Variants in ERC2 observed in about 807,000 individuals in gnomAD.
ERC2 encodes the protein ELKS/RAB6-interacting/CAST family member 2.
ERC2 carries 42 observed loss-of-function variants against 114.8 expected under a neutral mutation model. The ratio of observed to expected loss-of-function variants is 0.37; its 90% CI spans 0.29 to 0.47. The LOEUF (loss-of-function observed/expected upper bound fraction) is 0.47, where lower values mean the gene tolerates loss of function less well. Among genes scored for constraint, ERC2 ranks in the 20% least tolerant of loss-of-function variants. The pLI is 0.99. For synonymous variants in ERC2, 454 were observed against 425.5 expected (o/e 1.07, Z -0.82); for missense variants, 939 against 1,150.7 (o/e 0.82, Z 2.66).
intron 7 of ERC2, among the ~76,000 whole-genome samples, chr3:56,049,777 G>A (rs2075668169): frequency 6.6e-6 from 1 of 151,804 alleles, no homozygotes; most frequent in African/African-American, 2.4e-5. Context: ...GGGACCTTGA[G>A]ATAGTATAAG....
chr3:56,185,291 G>T (rs1034874151), intron 3 of ERC2: 1 of 152,144 alleles, frequency 6.6e-6, no homozygotes, highest in Non-Finnish European at 1.5e-5. Context: ...TTCCCAGCTG[G>T]ATTTTAAAAC....
chr3:55,967,854 C>G (rs2068861947), intron 12 of ERC2, among the ~76,000 whole-genome samples: 1 of 152,152 alleles, frequency 6.6e-6, no homozygotes, highest in African/African-American at 2.4e-5. Flanking sequence ...CTCTTGCCCT[C>G]TCTTGCCTTT....
chr3:56,291,216 A>C (rs2055061844), intron 3 of ERC2, among the ~76,000 whole-genome samples: 1 of 152,208 alleles, frequency 6.6e-6, no homozygotes, highest in Non-Finnish European at 1.5e-5. Flanking sequence ...TTGCAGAAAA[A>C]GCTAGAGAAC....
At chr3:56,079,822 G>C (rs1181069904) in intron 7 of ERC2, among the ~76,000 whole-genome samples, 1 of 152,162 alleles carries the variant, frequency 6.6e-6, no homozygotes, top group East Asian at 1.9e-4. Context: ...TCCAGTTTCT[G>C]TGTTAAGAAT....
intron 14 of ERC2, among the ~76,000 whole-genome samples, chr3:55,747,291 G>A (rs1355689269): frequency 2.6e-5 from 4 of 151,942 alleles, no homozygotes; most frequent in African/African-American, 9.7e-5. Context: ...AGGTGACAGG[G>A]AAGTTTTAGG....
intron 15 of ERC2, among the ~76,000 whole-genome samples, chr3:55,732,088 G>A (rs2065285549): frequency 6.6e-6 from 1 of 151,974 alleles, no homozygotes; most frequent in South Asian, 2.1e-4. Context: ...TCGTTGGACT[G>A]GTTATTCCAC....
chr3:56,001,517 G>A (rs2072058332), intron 10 of ERC2, among the ~76,000 whole-genome samples: 1 of 152,052 alleles, frequency 6.6e-6, no homozygotes, highest in Admixed American at 6.6e-5. Context: ...TTAACTTGAG[G>A]AGAAAAGTCA....
At chr3:55,956,106 T>C (rs1010171259) in intron 12 of ERC2, among the ~76,000 whole-genome samples, 14 of 152,246 alleles carry the variant, frequency 9.2e-5, no homozygotes, top group Non-Finnish European at 1.6e-4. Context: ...TGTGCAATAT[T>C]GTGCACACAT....
At chr3:56,400,689 T>C (rs1290479441) in intron 2 of ERC2, among the ~76,000 whole-genome samples, 1 of 152,190 alleles carries the variant, frequency 6.6e-6, no homozygotes, top group Non-Finnish European at 1.5e-5. Context: ...CCAATTACTA[T>C]TTTCCACCAA....
At chr3:55,871,662 A>G (rs1163106525) in intron 14 of ERC2, among the ~76,000 whole-genome samples, 1 of 152,226 alleles carries the variant, frequency 6.6e-6, no homozygotes, top group Non-Finnish European at 1.5e-5. Flanking sequence ...TCTAACGAAG[A>G]TGTAATTATG....
At chr3:55,715,473 A>G (rs1338239252) in intron 15 of ERC2, among the ~76,000 whole-genome samples, 2 of 152,188 alleles carry the variant, frequency 1.3e-5, no homozygotes, top group African/African-American at 4.8e-5. Flanking sequence ...TCATTCCCAC[A>G]CACTGAACTT....
chr3:55,894,681 A>G (rs1333103800), intron 13 of ERC2, among the ~76,000 whole-genome samples: 2 of 152,230 alleles, frequency 1.3e-5, no homozygotes, highest in African/African-American at 4.8e-5. Flanking sequence ...CTAACTCAGA[A>G]GGAGAAAATC....
At chr3:55,822,091 G>C (rs2060146847) in intron 14 of ERC2, among the ~76,000 whole-genome samples, 1 of 152,032 alleles carries the variant, frequency 6.6e-6, no homozygotes, top group South Asian at 2.1e-4. Context: ...AGTCCCCTTT[G>C]CTTTACTGGT....
chr3:55,543,626 G>A (rs1412863947), intron 17 of ERC2, among the ~76,000 whole-genome samples: 1 of 152,194 alleles, frequency 6.6e-6, no homozygotes, highest in African/African-American at 2.4e-5. Context: ...TCTCTTAGTT[G>A]TAAGAATGAA....
intron 14 of ERC2, among the ~76,000 whole-genome samples, chr3:55,785,228 T>C (rs1445950536): frequency 6.6e-6 from 1 of 152,242 alleles, no homozygotes; most frequent in Non-Finnish European, 1.5e-5. Flanking sequence ...CAGAAGTCTT[T>C]GTCTTAATCT....
intron 2 of ERC2, among the ~76,000 whole-genome samples, chr3:56,418,072 A>G (rs2061237708): frequency 1.3e-5 from 2 of 152,210 alleles, no homozygotes; most frequent in Admixed American, 1.3e-4. Context: ...GGATCATTTG[A>G]GGCCAGGAGT....
chr3:56,328,315 T>C (rs906828711), intron 2 of ERC2, among the ~76,000 whole-genome samples: 8 of 152,178 alleles, frequency 5.3e-5, no homozygotes, highest in African/African-American at 1.9e-4. Flanking sequence ...CCCTGAACTT[T>C]CTTCCACTTT....
At chr3:55,701,947 G>T (rs989206975) in intron 15 of ERC2, among the ~76,000 whole-genome samples, 2 of 152,192 alleles carry the variant, frequency 1.3e-5, no homozygotes, top group Non-Finnish European at 2.9e-5. Flanking sequence ...GAAGGGACTC[G>T]CTCAAGAATG....
At chr3:55,720,024 C>A in intron 15 of ERC2, among the ~76,000 whole-genome samples, 1 of 96,874 alleles carries the variant, frequency 1.0e-5, no homozygotes, top group Non-Finnish European at 2.2e-5. Flanking sequence ...CTCCCTCCTT[C>A]CCTTGCCTCC....
Sources: gnomAD v4.1 joint callset for allele counts (sites outside exome capture counted in the v4.1 genomes callset) on GRCh38, gnomAD v4.1.1 for gene constraint, MANE v1.5 for transcripts, NCBI Gene and HGNC (gene_info 2026-07-23, HGNC 2026-07-21) for gene names.